ARHGEF17: variants seen among roughly 807,000 people sequenced by gnomAD.
ARHGEF17 encodes the protein Rho guanine nucleotide exchange factor 17, also known as 164 kDa Rho-specific guanine-nucleotide exchange factor.
ARHGEF17 carries 80 observed loss-of-function variants against 174.0 expected under a neutral mutation model. That is an observed-to-expected ratio of 0.46 (90% CI 0.38 to 0.55). The LOEUF is 0.55. Among genes scored for constraint, ARHGEF17 ranks in the 20% least tolerant of loss-of-function variants. The probability of loss-of-function intolerance (pLI) is 0.00; values close to 1 mark genes in which losing one functional copy is unlikely to be tolerated. For synonymous variants in ARHGEF17, 1,311 were observed against 1,189.1 expected (o/e 1.10, Z -2.11); for missense variants, 2,886 against 2,839.7 (o/e 1.02, Z -0.37).
intron 12 of ARHGEF17, 86 bp from the exon 13 acceptor site, chr11:73,361,954 C>A: frequency 2.0e-6 from 3 of 1,503,664 alleles, no homozygotes; most frequent in Non-Finnish European, 2.7e-6. Context: ...CTGCCTCCCT[C>A]CATTCTGCCG....
At chr11:73,326,839 G>T (rs1410127460) in intron 1 of ARHGEF17, among the ~76,000 whole-genome samples, 1 of 152,226 alleles carries the variant, frequency 6.6e-6, no homozygotes, top group African/African-American at 2.4e-5. Context: ...TGAAAGTAGG[G>T]TCATGTCTGC....
At chr11:73,346,041 C>T (rs761728654) in intron 1 of ARHGEF17, among the ~76,000 whole-genome samples, 5 of 151,984 alleles carry the variant, frequency 3.3e-5, no homozygotes, top group Non-Finnish European at 7.4e-5. Flanking sequence ...ACAAGGCATC[C>T]CAGACAGGGA....
chr11:73,330,397 T>C (rs562703242), intron 1 of ARHGEF17, among the ~76,000 whole-genome samples: 1 of 152,378 alleles, frequency 6.6e-6, no homozygotes, highest in South Asian at 2.1e-4. Flanking sequence ...TCAGTTTTCT[T>C]GTTTTATTTT....
chr11:73,320,051 C>A (rs1484193042), intron 1 of ARHGEF17, among the ~76,000 whole-genome samples: 1 of 151,142 alleles, frequency 6.6e-6, no homozygotes, highest in Non-Finnish European at 1.5e-5. Flanking sequence ...CATCTGAGGG[C>A]AGAACTGAGA....
chr11:73,355,793 G>A, intron 4 of ARHGEF17, 68 bp from the exon 5 acceptor site: 2 of 1,599,792 alleles, frequency 1.3e-6, no homozygotes, highest in Non-Finnish European at 8.6e-7. Context: ...GGCTTGCTGG[G>A]GACCTGTCCC....
rs753770526 is a variant in ARHGEF17 at position 73,312,640 on chromosome 11, G to C, written c.3192+810G>C. 2.9e-4 allele frequency among the ~76,000 whole-genome samples: 44 copies of C among 152,138 alleles called. 1 individual carries two copies. Among genetic ancestry groups the C allele is most frequent in the Admixed American group, 1.5e-3 (23 of 15,272 alleles). ...TTCTAGGGGAGGATAGAGGCAGGGA[G>C]GGGGCTGCAGAGGCTGGGCAGCCAG... is the stretch of plus-strand genomic sequence containing the variant. On this transcript the variant is annotated intron_variant, in intron 1 of 20. Coordinates refer to ENST00000263674, the MANE Select transcript of ARHGEF17 (RefSeq NM_014786.4).
chr11:73,308,731 G>A lies in ARHGEF17; in HGVS notation c.93G>A (p.Glu31=), dbSNP rs565316992. The A allele has an allele frequency of 3.0e-4, 458 of 1,508,340 alleles. No homozygotes were observed. In the African/African-American group the frequency reaches 6.0e-3, roughly 20 times the overall value. The allele number at this position is 1,508,340 out of a possible 1,614,324, so 93.4% of individuals were successfully genotyped here. The change falls in exon 1 of 21, where the codon GAG becomes GAA. Residue 31 remains glutamate, a synonymous_variant. Coordinates refer to ENST00000263674, the MANE Select transcript of ARHGEF17 (RefSeq NM_014786.4). ...GCGGCGGCCCCGGGCTGAGGGAGGA[G>A]GACACGGACACCCCCGGCTTGAGGC... is the stretch of plus-strand genomic sequence containing the variant. ...RWSGGPGLRE[E]DTDTPGLRRR...
intron 1 of ARHGEF17, among the ~76,000 whole-genome samples, chr11:73,344,657 G>T (rs534045662): frequency 7.9e-5 from 12 of 152,350 alleles, no homozygotes; most frequent in Non-Finnish European, 1.6e-4. Flanking sequence ...TGCTGCGTGT[G>T]GACAGAGCTG....
intron 2 of ARHGEF17, 111 bp from the exon 3 acceptor site, chr11:73,352,719 G>T: frequency 8.5e-7 from 1 of 1,176,662 alleles, no homozygotes; most frequent in African/African-American, 1.5e-5. Flanking sequence ...AAGGCAGGGC[G>T]CTGAGCTGCA....
chr11:73,337,463 A>G (rs1000000967), intron 1 of ARHGEF17, among the ~76,000 whole-genome samples: 2 of 151,916 alleles, frequency 1.3e-5, no homozygotes, highest in Non-Finnish European at 1.5e-5. Flanking sequence ...CATACAGTCT[A>G]CCTGAAGATG....
intron 1 of ARHGEF17, among the ~76,000 whole-genome samples, chr11:73,335,389 A>G (rs1441711803): frequency 6.6e-6 from 1 of 152,018 alleles, no homozygotes; most frequent in Non-Finnish European, 1.5e-5. Context: ...GATGTTTTTC[A>G]CATCTGTTGG....
intron 20 of ARHGEF17, 33 bp from the exon 21 acceptor site, chr11:73,367,551 C>T: frequency 6.3e-7 from 1 of 1,577,568 alleles, no homozygotes; most frequent in Non-Finnish European, 8.7e-7. Flanking sequence ...TCCATTCGCC[C>T]CCAAGCTGAC....
intron 1 of ARHGEF17, among the ~76,000 whole-genome samples, chr11:73,343,619 G>A (rs1460404734): frequency 2.6e-5 from 4 of 152,170 alleles, no homozygotes; most frequent in Admixed American, 2.0e-4. Flanking sequence ...TGTGTGTGCT[G>A]GAAAGTAGAG....
Position 73,311,280 on chromosome 11 carries a change from G to C in ARHGEF17, c.2642G>C (p.Ser881Thr). 2.5e-6 allele frequency: 4 copies of C among 1,613,154 alleles called. No individual in the cohort carries two copies. The highest frequency in any genetic ancestry group is 2.5e-6 in the Non-Finnish European group (3 of 1,179,980). The change falls in exon 1 of 21, where the codon AGC becomes ACC. Residue 881 changes from serine (S) to threonine (T), a missense_variant. Physicochemically the swap from Ser to Thr is moderately conservative, Grantham distance 58. Around this residue, in one of 4 missense-constraint regions of ARHGEF17, gnomAD observed 1,728 missense variants for 1,461.2 expected, o/e 1.18. Coordinates refer to ENST00000263674, the MANE Select transcript of ARHGEF17 (RefSeq NM_014786.4). ...CCAGAAGAACCTGGTGCCACCAGGA[G>C]CCGGGCACAGTCTGAAAGGGCCCTA... ...AEPEEPGATR[S>T]RAQSERALPE... is the part of the protein sequence containing the mutation.
chr11:73,333,986 C>T (rs1865249524), intron 1 of ARHGEF17, among the ~76,000 whole-genome samples: 1 of 152,226 alleles, frequency 6.6e-6, no homozygotes, highest in African/African-American at 2.4e-5. Flanking sequence ...TGCTTTCATT[C>T]ATCCTCAAAT....
intron 1 of ARHGEF17, among the ~76,000 whole-genome samples, chr11:73,345,917 G>A (rs1209756288): frequency 1.3e-5 from 2 of 152,158 alleles, no homozygotes; most frequent in African/African-American, 4.8e-5. Context: ...GAGAAGGGAA[G>A]TTGTTGGGGC....
At chr11:73,317,734 G>A (rs1864951717) in intron 1 of ARHGEF17, among the ~76,000 whole-genome samples, 1 of 152,162 alleles carries the variant, frequency 6.6e-6, no homozygotes, top group South Asian at 2.1e-4. Context: ...CAGCTCCCAG[G>A]GTCTCTGGGG....
At chr11:73,362,275 G>T in intron 13 of ARHGEF17, 36 bp downstream of exon 13, 1 of 1,475,960 alleles carries the variant, frequency 6.8e-7, no homozygotes. Flanking sequence ...GGCACCGCGG[G>T]CCTGGGAGAA....
At chr11:73,360,283 A>T (rs1333239035) in intron 10 of ARHGEF17, 37 bp from the exon 11 acceptor site, 1 of 1,609,442 alleles carries the variant, frequency 6.2e-7, no homozygotes, top group African/African-American at 1.3e-5. Context: ...CTCTGGTGAG[A>T]TGCTGGGGCC....
Sources: allele counts gnomAD v4.1 joint callset (sites outside exome capture counted in the v4.1 genomes callset), GRCh38; gene constraint gnomAD v4.1.1; regional missense constraint gnomAD v4.1.1; transcripts MANE v1.5; gene names NCBI Gene and HGNC (gene_info 2026-07-23, HGNC 2026-07-21).